STX8: variants seen among roughly 807,000 people sequenced by gnomAD.
STX8 encodes the protein syntaxin-8.
A neutral mutation model predicts 37.5 loss-of-function variants in STX8; 23 were observed. That is an observed-to-expected ratio of 0.61 (90% CI 0.44 to 0.87). The LOEUF is 0.87. STX8 is among the 40% of genes least tolerant of loss of function. The pLI is 0.00. For synonymous variants in STX8, 115 were observed against 99.1 expected, an observed-to-expected ratio of 1.16 and a Z score of -0.95; for missense variants, 313 against 284.7, an observed-to-expected ratio of 1.10 and a Z score of -0.71.
At chr17:9,544,266 T>C (rs1394621396) in intron 4 of STX8, among the ~76,000 whole-genome samples, 1 of 152,070 alleles carries the variant, frequency 6.6e-6, no homozygotes, top group Non-Finnish European at 1.5e-5. Flanking sequence ...GCTAAGGAAG[T>C]TCTAGAAACA....
chr17:9,250,660 C>T lies in STX8; in HGVS notation c.644-15G>A. The T allele has an allele frequency of 6.3e-7, 1 of 1,583,288 alleles. No individual in the cohort carries two copies. The highest frequency in any genetic ancestry group is 8.6e-7 in the Non-Finnish European group (1 of 1,163,636). On this transcript the variant is annotated splice_polypyrimidine_tract_variant and intron_variant, in intron 7 of 7. Transcript: ENST00000306357. ...CATGATCATCCCTGGAAAAAAGCAGCAGAAAATACTACTTTTAATGATTCC... is the reference window on the plus strand; with the variant it reads ...CATGATCATCCCTGGAAAAAAGCAGTAGAAAATACTACTTTTAATGATTCC...
intron 7 of STX8, among the ~76,000 whole-genome samples, chr17:9,303,931 T>C (rs887521866): frequency 1.3e-5 from 2 of 152,114 alleles, no homozygotes; most frequent in African/African-American, 4.8e-5. Flanking sequence ...AAAGAACAGG[T>C]TGATAATTAC....
At chr17:9,339,720 A>G (rs1405844156) in intron 7 of STX8, among the ~76,000 whole-genome samples, 1 of 152,172 alleles carries the variant, frequency 6.6e-6, no homozygotes, top group Non-Finnish European at 1.5e-5. Context: ...ATGCTCAGAA[A>G]GGGCTTTTTC....
chr17:9,423,234 A>G (rs1045331098), intron 6 of STX8, among the ~76,000 whole-genome samples: 4 of 152,228 alleles, frequency 2.6e-5, no homozygotes, highest in African/African-American at 9.7e-5. Flanking sequence ...AATAAGTGTT[A>G]GCTAAATGAG....
At chr17:9,413,428 G>C (rs757796541) in intron 6 of STX8, among the ~76,000 whole-genome samples, 2 of 152,186 alleles carry the variant, frequency 1.3e-5, no homozygotes, top group Admixed American at 6.5e-5. Flanking sequence ...GGAATTCTTA[G>C]GAACACAGCT....
intron 6 of STX8, among the ~76,000 whole-genome samples, chr17:9,420,673 C>T (rs1041977957): frequency 1.3e-5 from 2 of 152,186 alleles, no homozygotes; most frequent in African/African-American, 4.8e-5. Context: ...GCCCCCACAA[C>T]TTGAATCCTC....
Position 9,444,858 on chromosome 17 carries a change from CTCTT to C in STX8, c.541+46967_541+46970del, listed in dbSNP as rs773656047. Among the ~76,000 whole-genome samples the C allele has an allele frequency of 4.5e-4, 68 of 152,182 alleles. 1 individual carries two copies. Among genetic ancestry groups the C allele is most frequent in the Non-Finnish European group, 2.2e-4 (15 of 68,038 alleles). On this transcript the variant is annotated intron_variant, in intron 6 of 7. Coordinates refer to ENST00000306357, the MANE Select transcript of STX8 (RefSeq NM_004853.3). ...TACCCCGGAAAAGAATTGAAACAGACTCTTTCTTTCAAAAGTTGGCAGAGATATG... is the reference window on the plus strand; with the variant it reads ...TACCCCGGAAAAGAATTGAAACAGACTCTTTCAAAAGTTGGCAGAGATATG...
intron 6 of STX8, among the ~76,000 whole-genome samples, chr17:9,465,718 A>G (rs1422086367): frequency 6.6e-6 from 1 of 152,182 alleles, no homozygotes; most frequent in Non-Finnish European, 1.5e-5. Flanking sequence ...CAACGACGAC[A>G]ACAATAGCTG....
intron 5 of STX8, among the ~76,000 whole-genome samples, chr17:9,497,721 A>G (rs575481688): frequency 3.3e-5 from 5 of 152,326 alleles, no homozygotes; most frequent in Non-Finnish European, 7.4e-5. Context: ...CCAGACCCCA[A>G]TGACTGTCTT....
rs192023767 is a variant in STX8 at position 9,520,429 on chromosome 17, G to C, written c.324-15267C>G. Among the ~76,000 whole-genome samples, 376 of 152,254 alleles carry C rather than the reference G, an allele frequency of 2.5e-3. 1 individual carries two copies. The highest frequency in any genetic ancestry group is 4.3e-3 in the Non-Finnish European group (290 of 68,004). ...CCTCTGCAAAGGAAATTAAAGAAAGGAAATGCTAAATACTATGCTTCTGAG... is the reference window on the plus strand; with the variant it reads ...CCTCTGCAAAGGAAATTAAAGAAAGCAAATGCTAAATACTATGCTTCTGAG... On this transcript the variant is annotated intron_variant, in intron 4 of 7. Transcript: ENST00000306357.
intron 7 of STX8, among the ~76,000 whole-genome samples, chr17:9,257,666 TACTACTATTTTGG>T (rs1214858846): frequency 1.3e-5 from 2 of 152,060 alleles, no homozygotes; most frequent in Non-Finnish European, 2.9e-5. Context: ...CTTAGCTGCC[TACTACTATTTTGG>T]TTGTCTTGAA....
intron 7 of STX8, among the ~76,000 whole-genome samples, chr17:9,358,188 A>T (rs1325045012): frequency 6.6e-6 from 1 of 152,106 alleles, no homozygotes; most frequent in Admixed American, 6.6e-5. Flanking sequence ...CTTCATCTCT[A>T]CCAAAAAAAC....
At chr17:9,424,547 C>T (rs1210786555) in intron 6 of STX8, among the ~76,000 whole-genome samples, 1 of 152,082 alleles carries the variant, frequency 6.6e-6, no homozygotes, top group Admixed American at 6.5e-5. Flanking sequence ...TGGTTAGGAT[C>T]TCCATTCTCC....
Position 9,269,192 on chromosome 17 carries a change from A to C in STX8, c.644-18547T>G, listed in dbSNP as rs34288207. 2.6e-5 allele frequency among the ~76,000 whole-genome samples: 4 copies of C among 151,092 alleles called. No individual in the cohort carries two copies. The East Asian group carries it at 7.8e-4, about 29-fold the overall frequency. On this transcript the variant is annotated intron_variant, in intron 7 of 7. Coordinates refer to ENST00000306357, the MANE Select transcript of STX8 (RefSeq NM_004853.3). The stretch of plus-strand genomic sequence containing the variant: ...ATAGAGCAAGACTCCGTCTCAAAAA[A>C]AAAAAAAAAAAGAAGTATTTGAGGC...
chr17:9,253,041 G>A (rs1425448904), intron 7 of STX8, among the ~76,000 whole-genome samples: 3 of 152,214 alleles, frequency 2.0e-5, no homozygotes, highest in Non-Finnish European at 4.4e-5. Flanking sequence ...TGCAGCATCA[G>A]TTCGCCCACT....
intron 7 of STX8, among the ~76,000 whole-genome samples, chr17:9,328,995 A>C (rs191004488): frequency 7.5e-4 from 100 of 133,486 alleles, no homozygotes; most frequent in Admixed American, 1.6e-3. Flanking sequence ...GGTTGCAGTG[A>C]GCTGAGATCG....
intron 7 of STX8, among the ~76,000 whole-genome samples, chr17:9,268,465 T>C (rs1035149954): frequency 4.3e-4 from 66 of 151,762 alleles, no homozygotes; most frequent in African/African-American, 1.6e-3. Context: ...CAAACAGGAG[T>C]ATTCACACTC....
chr17:9,488,264 T>C (rs1231931653), intron 6 of STX8, among the ~76,000 whole-genome samples: 1 of 150,758 alleles, frequency 6.6e-6, no homozygotes, highest in Non-Finnish European at 1.5e-5. Context: ...AGATGGAGGT[T>C]GCAGTGAGCC....
At chr17:9,468,495 G>A (rs1905711458) in intron 6 of STX8, among the ~76,000 whole-genome samples, 1 of 152,188 alleles carries the variant, frequency 6.6e-6, no homozygotes, top group Admixed American at 6.5e-5. Flanking sequence ...TTGTATTCTA[G>A]TTAACTCAGT....
Sources: allele counts gnomAD v4.1 joint callset (sites outside exome capture counted in the v4.1 genomes callset), GRCh38; gene constraint gnomAD v4.1.1; transcripts MANE v1.5; gene names NCBI Gene and HGNC (gene_info 2026-07-23, HGNC 2026-07-21).